The following INO80D variants were observed in gnomAD, a reference collection of about 807,000 sequenced individuals.
INO80D encodes the protein INO80 complex subunit D.
A neutral mutation model predicts 87.6 loss-of-function variants in INO80D; 21 were observed. That is an observed-to-expected ratio of 0.24 (90% confidence interval 0.17 to 0.35). The LOEUF (loss-of-function observed/expected upper bound fraction) is 0.35, where lower values mean the gene tolerates loss of function less well. Ranked by LOEUF, INO80D falls within the 10% of genes least tolerant of loss-of-function variation. The pLI is 1.00. For missense variants in INO80D, 982 were observed against 1,280.7 expected (o/e 0.77, Z 3.56); for synonymous variants, 440 against 491.0 (o/e 0.90, Z 1.37).
intron 8 of INO80D, among the ~76,000 whole-genome samples, chr2:206,010,354 T>C (rs1485047086): frequency 6.6e-6 from 1 of 151,872 alleles, no homozygotes; most frequent in African/African-American, 2.4e-5. Context: ...CTGAAGTACG[T>C]AGAAAATACT....
chr2:206,028,914 G>A (rs1339421390), intron 5 of INO80D, among the ~76,000 whole-genome samples: 2 of 150,390 alleles, frequency 1.3e-5, no homozygotes, highest in African/African-American at 4.9e-5. Flanking sequence ...TGGAGACAGA[G>A]TCTCACTCTG....
At chr2:206,064,129 A>G (rs1163025595) in intron 1 of INO80D, among the ~76,000 whole-genome samples, 1 of 152,224 alleles carries the variant, frequency 6.6e-6, no homozygotes, top group African/African-American at 2.4e-5. Context: ...TATATCATTC[A>G]TTTCAAAGTT....
At chr2:206,027,640 G>T (rs1173186729) in intron 6 of INO80D, among the ~76,000 whole-genome samples, 1 of 152,086 alleles carries the variant, frequency 6.6e-6, no homozygotes, top group Non-Finnish European at 1.5e-5. Context: ...GGAGTTTGAG[G>T]CTGCAGTGAT....
In INO80D at chr2:205,994,632, G is replaced by A; in HGVS notation, c.*9736C>T. On this transcript the variant is annotated 3_prime_UTR_variant, in exon 11 of 11. Coordinates refer to ENST00000403263, the MANE Select transcript of INO80D (RefSeq NM_017759.5). Reference sequence around the variant, plus strand: ...AGCCTCTCTATTTTAGTCTTCAGGAGTACTCTTACTTCACTGTTTTTTGTA... The same window carrying A: ...AGCCTCTCTATTTTAGTCTTCAGGAATACTCTTACTTCACTGTTTTTTGTA... 6.6e-6 allele frequency: 1 copy of A among 152,128 alleles called. No individual in the cohort carries two copies. Among genetic ancestry groups the A allele is most frequent in the East Asian group, 1.9e-4 (1 of 5,190 alleles). The allele number at this position is 152,128 out of a possible 1,614,324, so 9.4% of individuals were successfully genotyped here.
intron 9 of INO80D, among the ~76,000 whole-genome samples, chr2:206,008,227 A>G (rs1225882243): frequency 6.8e-6 from 1 of 146,718 alleles, no homozygotes; most frequent in Non-Finnish European, 1.5e-5. Context: ...CAGGTGATCC[A>G]CCCACCTTGG....
chr2:206,047,453 A>G (rs1161740894), intron 4 of INO80D, among the ~76,000 whole-genome samples: 2 of 150,060 alleles, frequency 1.3e-5, no homozygotes, highest in East Asian at 4.1e-4. Flanking sequence ...TCCTGACCTT[A>G]AGTGATCCAC....
rs1233421023 is a variant in INO80D at position 206,004,648 on chromosome 2, G to A, written c.2804C>T (p.Ala935Val). The A allele has an allele frequency of 1.2e-5, 20 of 1,613,790 alleles. No homozygotes were observed. Among genetic ancestry groups the A allele is most frequent in the Non-Finnish European group, 1.7e-5 (20 of 1,179,798 alleles). Reference protein sequence around the residue: ...SNSETTQPAFATVTPSSSSVL... With the variant: ...SNSETTQPAFVTVTPSSSSVL... ...ACTGGAGCTGCTGGGGGTCACGGTG[G>A]CGAAGGCAGGCTGTGTGGTCTCTGA... Residue 935 changes from alanine to valine, a missense_variant, in exon 11 of 11, where the codon GCC becomes GTC. Coordinates refer to ENST00000403263, the MANE Select transcript of INO80D (RefSeq NM_017759.5). This position sits in a 1 kb window ranked among gnomAD's most constrained non-coding sequence, Gnocchi z 4.9.
rs1388735715 is a variant in INO80D, at chr2:206,025,052, G to A, written c.1298+3059C>T. Among the ~76,000 whole-genome samples the A allele has an allele frequency of 6.6e-5, 10 of 151,822 alleles. No homozygotes were observed. The South Asian group carries it at 1.3e-3, about 19-fold the overall frequency. On this transcript the variant is annotated intron_variant, in intron 6 of 10. Coordinates refer to ENST00000403263, the MANE Select transcript of INO80D (RefSeq NM_017759.5). ...ATTACAGGCATGAGCCATCGCACCCGGCCAACACTTTGTTTTAAAACCCTT... is the reference window on the plus strand; with the variant it reads ...ATTACAGGCATGAGCCATCGCACCCAGCCAACACTTTGTTTTAAAACCCTT...
intron 1 of INO80D, among the ~76,000 whole-genome samples, chr2:206,066,684 A>C (rs534737548): frequency 6.6e-6 from 1 of 152,060 alleles, no homozygotes; most frequent in African/African-American, 2.4e-5. Flanking sequence ...ACACACCTGT[A>C]ATCCCAGCTA....
chr2:206,036,791 G>A (rs573564185), intron 5 of INO80D, among the ~76,000 whole-genome samples: 14 of 152,148 alleles, frequency 9.2e-5, no homozygotes, highest in Admixed American at 2.0e-4. Context: ...GTGGAAAGAC[G>A]CACTTGGATG....
intron 4 of INO80D, among the ~76,000 whole-genome samples, chr2:206,051,304 G>A (rs776054975): frequency 5.7e-4 from 86 of 151,776 alleles, no homozygotes; most frequent in Non-Finnish European, 5.6e-4. Flanking sequence ...CCAGTCATAA[G>A]CTCTTGGACT....
intron 4 of INO80D, among the ~76,000 whole-genome samples, chr2:206,051,063 G>A (rs1689353576): frequency 6.6e-6 from 1 of 151,934 alleles, no homozygotes; most frequent in Non-Finnish European, 1.5e-5. Flanking sequence ...AATGATAAAA[G>A]GACTAAAAGA....
intron 4 of INO80D, among the ~76,000 whole-genome samples, chr2:206,049,252 T>C (rs1689279448): frequency 6.6e-6 from 1 of 152,196 alleles, no homozygotes; most frequent in Admixed American, 6.5e-5. Flanking sequence ...ATAAAGAAAC[T>C]TCAAATCTAA....
rs1027592160 is a variant in INO80D at position 206,086,075 on chromosome 2, T to C, written c.-298A>G. The C allele has an allele frequency of 6.6e-6, 1 of 152,164 alleles. No individual in the cohort carries two copies. Among genetic ancestry groups the C allele is most frequent in the Non-Finnish European group, 1.5e-5 (1 of 68,054 alleles). 9.4% of individuals were successfully genotyped at this position (152,164 alleles called of 1,614,324 possible). A position where few individuals can be genotyped will look rare whatever the true frequency, so the allele number is the denominator to read the frequency against. The stretch of plus-strand genomic sequence containing the variant: ...GCAAGAGGGGTGAGGATCATATTTT[T>C]ATTTTGGAAACTAAAAAGTGCTCCC... On this transcript the variant is annotated 5_prime_UTR_variant, in exon 1 of 11. It adds an upstream start codon to the 5' untranslated region. Transcript: ENST00000403263.
At chr2:206,010,520 A>G (rs1340766362) in intron 8 of INO80D, among the ~76,000 whole-genome samples, 1 of 152,120 alleles carries the variant, frequency 6.6e-6, no homozygotes, top group African/African-American at 2.4e-5. Flanking sequence ...TTTCTTTCTT[A>G]TTGGCACATA....
chr2:206,063,272 A>G (rs1689733492), intron 1 of INO80D, 28 bp from the exon 2 acceptor site: 1 of 534,188 alleles, frequency 1.9e-6, no homozygotes, highest in African/African-American at 2.0e-5. Context: ...GGCCTAGTTA[A>G]CAAACAGAAA....
intron 1 of INO80D, among the ~76,000 whole-genome samples, chr2:206,078,061 C>CAAAAAAAAAA (rs71410859): frequency 0.024 from 1,517 of 63,028 alleles, 270 homozygotes; most frequent in African/African-American, 0.055. Flanking sequence ...GCAATGTTTA[C>CAAAAAAAAAA]AAAAAAAAAA....
chr2:206,064,100 C>T (rs1689754140), intron 1 of INO80D, among the ~76,000 whole-genome samples: 1 of 152,218 alleles, frequency 6.6e-6, no homozygotes, highest in South Asian at 2.1e-4. Context: ...GGCCCAAAGA[C>T]TAGTCAGCTG....
chr2:206,043,307 G>T (rs897229265), intron 5 of INO80D, among the ~76,000 whole-genome samples: 1 of 152,022 alleles, frequency 6.6e-6, no homozygotes, highest in Non-Finnish European at 1.5e-5. Flanking sequence ...GAGTAGCTGG[G>T]ATTACAGGTG....
Sources: gnomAD v4.1 joint callset for allele counts (sites outside exome capture counted in the v4.1 genomes callset) on GRCh38, gnomAD v4.1.1 for gene constraint, Gnocchi (gnomAD v3.1) non-coding constraint, MANE v1.5 for transcripts, NCBI Gene and HGNC (gene_info 2026-07-23, HGNC 2026-07-21) for gene names.